TNR: variants seen among roughly 807,000 people sequenced by gnomAD.
The protein encoded by TNR is tenascin R.
TNR carries 45 observed loss-of-function variants against 150.4 expected under a neutral mutation model. The observed-to-expected ratio is 0.30, with a 90% confidence interval of 0.24 to 0.38. The LOEUF is 0.38. TNR is among the 10% of genes least tolerant of loss of function. The pLI is 1.00. For missense variants in TNR, 1,544 were observed against 1,759.1 expected (o/e 0.88, Z 2.19); for synonymous variants, 687 against 678.4 (o/e 1.01, Z -0.20).
At chr1:175,581,660 T>A (rs1662353996) in intron 1 of TNR, among the ~76,000 whole-genome samples, 1 of 152,244 alleles carries the variant, frequency 6.6e-6, no homozygotes, top group South Asian at 2.1e-4. Flanking sequence ...AGCTTTGGAA[T>A]CTTTGGGGCA....
chr1:175,651,102 C>T (rs191150372), intron 1 of TNR, among the ~76,000 whole-genome samples: 35 of 90,594 alleles, frequency 3.9e-4, no homozygotes, highest in Non-Finnish European at 6.3e-4. Context: ...TCATTACTAC[C>T]CCTCCCCATC....
chr1:175,353,847 A>ATTT (rs1553207217), intron 18 of TNR, among the ~76,000 whole-genome samples: 3 of 66,326 alleles, frequency 4.5e-5, no homozygotes, highest in Non-Finnish European at 9.3e-5. Flanking sequence ...TTAAATTTTT[A>ATTT]TTTATTTTTT....
At chr1:175,369,607 C>A (rs946771065) in intron 9 of TNR, among the ~76,000 whole-genome samples, 12 of 152,128 alleles carry the variant, frequency 7.9e-5, no homozygotes, top group Admixed American at 5.9e-4. Context: ...CAACAGAGTA[C>A]ATCATCTTTT....
intron 1 of TNR, among the ~76,000 whole-genome samples, chr1:175,633,765 C>G (rs773862830): frequency 1.3e-5 from 2 of 152,056 alleles, no homozygotes; most frequent in Non-Finnish European, 2.9e-5. Flanking sequence ...GCTTATGCTC[C>G]AATCCGCTGA....
intron 2 of TNR, among the ~76,000 whole-genome samples, chr1:175,448,332 C>T (rs1656151422): frequency 6.6e-6 from 1 of 152,196 alleles, no homozygotes; most frequent in African/African-American, 2.4e-5. Context: ...ATTCTCCTGT[C>T]TCCCGAGTAG....
In TNR at chr1:175,441,567, G is replaced by A. The variant is rs201607138; in HGVS notation, c.-63-34790C>T. Among the ~76,000 whole-genome samples the A allele has an allele frequency of 2.1e-3, 323 of 152,230 alleles. 1 individual carries two copies. The highest frequency in any genetic ancestry group is 4.3e-3 in the Admixed American group (66 of 15,290). On this transcript the variant is annotated intron_variant, in intron 2 of 22. Transcript: ENST00000367674. ...TATAGACATGGACAACATTCTGCCA[G>A]CTATAAAAATACAGATACTTTCAAA...
At chr1:175,383,984 G>A (rs1398450493) in intron 8 of TNR, among the ~76,000 whole-genome samples, 1 of 152,182 alleles carries the variant, frequency 6.6e-6, no homozygotes, top group East Asian at 1.9e-4. Context: ...GAAACTCATG[G>A]GGAGCTCCTA....
chr1:175,505,932 C>A (rs1041622530), intron 2 of TNR, among the ~76,000 whole-genome samples: 1 of 152,122 alleles, frequency 6.6e-6, no homozygotes, highest in Non-Finnish European at 1.5e-5. Context: ...CCCAGCTACT[C>A]GGGAGGCTGA....
chr1:175,464,536 C>T (rs1175189813), intron 2 of TNR, among the ~76,000 whole-genome samples: 2 of 152,134 alleles, frequency 1.3e-5, no homozygotes, highest in Non-Finnish European at 2.9e-5. Context: ...GTAATAGCAC[C>T]CAGAACATAG....
At chr1:175,613,208 C>G (rs1571676123) in intron 1 of TNR, among the ~76,000 whole-genome samples, 2 of 152,250 alleles carry the variant, frequency 1.3e-5, no homozygotes, top group East Asian at 3.9e-4. Context: ...CATAATCTCT[C>G]TAAATTCCTG....
chr1:175,714,472 C>T (rs896987097), intron 1 of TNR, among the ~76,000 whole-genome samples: 1 of 152,196 alleles, frequency 6.6e-6, no homozygotes, highest in African/African-American at 2.4e-5. Flanking sequence ...CCCCAGCTGG[C>T]ACTGCGCCCC....
chr1:175,470,238 G>A (rs374878786), intron 2 of TNR, among the ~76,000 whole-genome samples: 4 of 152,104 alleles, frequency 2.6e-5, no homozygotes, highest in Non-Finnish European at 5.9e-5. Flanking sequence ...GTGACAGTTG[G>A]GCCTTGGAAT....
At chr1:175,449,699 G>C (rs1656220534) in intron 2 of TNR, among the ~76,000 whole-genome samples, 1 of 152,164 alleles carries the variant, frequency 6.6e-6, no homozygotes, top group African/African-American at 2.4e-5. Context: ...GGATCCCATG[G>C]GATGGTTAGC....
chr1:175,383,795 G>A (rs1652797951), intron 8 of TNR, among the ~76,000 whole-genome samples: 1 of 152,144 alleles, frequency 6.6e-6, no homozygotes, highest in Non-Finnish European at 1.5e-5. Flanking sequence ...GCCAACCCAG[G>A]CCTGGAGAAT....
At chr1:175,601,954 A>C (rs1225590666) in intron 1 of TNR, among the ~76,000 whole-genome samples, 1 of 152,156 alleles carries the variant, frequency 6.6e-6, no homozygotes, top group Non-Finnish European at 1.5e-5. Flanking sequence ...GTATCTTCAG[A>C]GGACACACTT....
rs905536453 is a variant in TNR, at chr1:175,386,167, T to A, written c.1642A>T (p.Thr548Ser). The A allele has an allele frequency of 6.2e-7, 1 of 1,612,680 alleles. No individual in the cohort carries two copies. The highest frequency in any genetic ancestry group is 8.5e-7 in the Non-Finnish European group (1 of 1,179,108). ...AGGGGAGGCTGCAGCCGGAAGGTGG[T>A]CCTCCCACCTTCCCCGCCCACCAGG... Reference protein sequence around the residue: ...YGLVGGEGGRTTFRLQPPLSQ... With the variant: ...YGLVGGEGGRSTFRLQPPLSQ... The change falls in exon 8 of 23, where the codon ACC (threonine) becomes TCC (serine). Residue 548 changes from threonine (T) to serine (S), a missense_variant. Physicochemically the swap from Thr to Ser is moderately conservative, Grantham distance 58. Around this residue, in one of 2 missense-constraint regions of TNR, gnomAD observed 1,254 missense variants for 1,329.4 expected, o/e 0.94. Coordinates refer to ENST00000367674, the MANE Select transcript of TNR (RefSeq NM_003285.3).
rs1320525614 is a variant in TNR, at chr1:175,317,488, G to C, written c.*5869C>G. The C allele has an allele frequency of 2.6e-5, 4 of 152,222 alleles. No homozygotes were observed. Among genetic ancestry groups the C allele is most frequent in the Admixed American group, 2.6e-4 (4 of 15,290 alleles). 9.4% of individuals were successfully genotyped at this position (152,222 alleles called of 1,614,324 possible). A position where few individuals can be genotyped will look rare whatever the true frequency, so the allele number is the denominator to read the frequency against. On this transcript the variant is annotated 3_prime_UTR_variant, in exon 23 of 23. Transcript: ENST00000367674. ...AGAGCAACACAGGGTCTCCCTAGGG[G>C]CTGCTAAACCAGTGATGGGAAGAAA...
chr1:175,708,807 A>G (rs980655941), intron 1 of TNR, among the ~76,000 whole-genome samples: 4 of 152,208 alleles, frequency 2.6e-5, no homozygotes, highest in Non-Finnish European at 4.4e-5. Flanking sequence ...ATTTTGGAAG[A>G]ACTTTACAGG....
At chr1:175,331,078 C>CCTTTCTTTCTTTCTTTCTTTCT (rs1649823861) in intron 20 of TNR, among the ~76,000 whole-genome samples, 1 of 59,916 alleles carries the variant, frequency 1.7e-5, no homozygotes, top group Non-Finnish European at 3.5e-5. Flanking sequence ...TCTTTCTTTC[C>CCTTTCTTTCTTTCTTTCTTTCT]TTCTTTCTTT....
Sources: gnomAD v4.1 joint callset for allele counts (sites outside exome capture counted in the v4.1 genomes callset) on GRCh38, gnomAD v4.1.1 for gene constraint, gnomAD v4.1.1 regional missense constraint, MANE v1.5 for transcripts, NCBI Gene and HGNC (gene_info 2026-07-23, HGNC 2026-07-21) for gene names.